The following SPOCK3 variants were observed in gnomAD, a reference collection of about 807,000 sequenced individuals.
SPOCK3 encodes SPARC (osteonectin), cwcv and kazal like domains proteoglycan 3.
In SPOCK3, 30 loss-of-function variants were observed where a neutral mutation model predicts 56.6. The ratio of observed to expected loss-of-function variants is 0.53; its 90% confidence interval spans 0.40 to 0.72. The LOEUF is 0.72. Ranked by LOEUF, SPOCK3 falls within the 30% of genes least tolerant of loss-of-function variation. SPOCK3 has a pLI of 0.00. For missense variants in SPOCK3, 527 were observed against 530.0 expected, an observed-to-expected ratio of 0.99 and a Z score of 0.06; for synonymous variants, 196 against 183.3, an observed-to-expected ratio of 1.07 and a Z score of -0.56.
chr4:166,755,848 G>T (rs957501397), intron 7 of SPOCK3, among the ~76,000 whole-genome samples: 1 of 151,826 alleles, frequency 6.6e-6, no homozygotes, highest in South Asian at 2.1e-4. Context: ...AAAAATAATA[G>T]AAATAAAAAT....
intron 2 of SPOCK3, among the ~76,000 whole-genome samples, chr4:167,176,527 T>C (rs1730995994): frequency 6.6e-6 from 1 of 152,120 alleles, no homozygotes; most frequent in Non-Finnish European, 1.5e-5. Context: ...TCCTAAATTA[T>C]ATAATTAAAT....
chr4:166,900,192 G>A (rs1260710819), intron 5 of SPOCK3, among the ~76,000 whole-genome samples: 1 of 152,158 alleles, frequency 6.6e-6, no homozygotes, highest in African/African-American at 2.4e-5. Context: ...AAACTAATCT[G>A]TGTCATATGT....
chr4:167,044,950 G>T (rs1245407948), intron 3 of SPOCK3, among the ~76,000 whole-genome samples: 1 of 152,050 alleles, frequency 6.6e-6, no homozygotes, highest in Non-Finnish European at 1.5e-5. Flanking sequence ...GGTGCTGTGA[G>T]TTCAACTATG....
At chr4:166,925,915 CTGTT>C (rs1160794306) in intron 4 of SPOCK3, among the ~76,000 whole-genome samples, 2 of 152,164 alleles carry the variant, frequency 1.3e-5, no homozygotes, top group African/African-American at 4.8e-5. Flanking sequence ...TTACCAGTTT[CTGTT>C]TGTTTAACAA....
chr4:167,209,788 A>T (rs568331726), intron 2 of SPOCK3, among the ~76,000 whole-genome samples: 4 of 152,190 alleles, frequency 2.6e-5, no homozygotes, highest in Non-Finnish European at 4.4e-5. Context: ...ATATACAAAA[A>T]AAATTTTTAA....
At position 167,097,134 on chromosome 4, in the gene SPOCK3, T is replaced by C. The variant is rs569115169; in HGVS notation, c.190-34597A>G. Among the ~76,000 whole-genome samples the C allele has an allele frequency of 3.9e-5, 6 of 151,986 alleles. No homozygotes were observed. In the South Asian group the frequency reaches 1.2e-3, roughly 31 times the overall value. On this transcript the variant is annotated intron_variant, in intron 2 of 10. Transcript: ENST00000357545. ...ATGTGTTTTTTAATTCCTTTACTTTTAACCTATCTATATATTTATATTTGA... is the reference window on the plus strand; with the variant it reads ...ATGTGTTTTTTAATTCCTTTACTTTCAACCTATCTATATATTTATATTTGA...
chr4:167,054,781 A>G (rs1754603524), intron 3 of SPOCK3, among the ~76,000 whole-genome samples: 1 of 152,234 alleles, frequency 6.6e-6, no homozygotes, highest in Non-Finnish European at 1.5e-5. Context: ...GTCATAGTTA[A>G]ACCAAAAGGT....
intron 2 of SPOCK3, among the ~76,000 whole-genome samples, chr4:167,078,407 C>T (rs757293828): frequency 9.3e-5 from 13 of 139,618 alleles, no homozygotes; most frequent in South Asian, 2.2e-4. Context: ...GGAATGGGGA[C>T]GGTAGGTAGT....
intron 4 of SPOCK3, among the ~76,000 whole-genome samples, chr4:166,970,757 A>G (rs1745291479): frequency 6.6e-6 from 1 of 152,054 alleles, no homozygotes; most frequent in Admixed American, 6.5e-5. Flanking sequence ...ACAGAGTAAC[A>G]CAGGACTTGA....
intron 7 of SPOCK3, among the ~76,000 whole-genome samples, chr4:166,775,246 G>A (rs967976241): frequency 1.2e-4 from 19 of 152,198 alleles, no homozygotes; most frequent in African/African-American, 1.9e-4. Context: ...GGCAGGTGAC[G>A]GGGTCAGAGC....
At chr4:167,151,050 A>C (rs548759397) in intron 2 of SPOCK3, among the ~76,000 whole-genome samples, 1 of 152,304 alleles carries the variant, frequency 6.6e-6, no homozygotes, top group African/African-American at 2.4e-5. Context: ...GAAGCATGAC[A>C]CATGTTGATG....
chr4:166,841,201 G>A (rs184809812), intron 6 of SPOCK3, among the ~76,000 whole-genome samples: 1 of 152,218 alleles, frequency 6.6e-6, no homozygotes. Flanking sequence ...CGCTAGAAAC[G>A]TGGGTGCAAA....
At chr4:167,151,202 T>C (rs1451434134) in intron 2 of SPOCK3, among the ~76,000 whole-genome samples, 1 of 152,180 alleles carries the variant, frequency 6.6e-6, no homozygotes, top group Non-Finnish European at 1.5e-5. Flanking sequence ...CTTTTAGTCC[T>C]TTTGGGGTGA....
chr4:167,027,097 AT>A (rs1018522019), intron 3 of SPOCK3, among the ~76,000 whole-genome samples: 3 of 151,868 alleles, frequency 2.0e-5, no homozygotes, highest in African/African-American at 7.3e-5. Flanking sequence ...TATCCTTGAC[AT>A]TTTTTGAAAT....
chr4:166,891,014 C>T (rs1734718348), intron 5 of SPOCK3, among the ~76,000 whole-genome samples: 1 of 151,912 alleles, frequency 6.6e-6, no homozygotes, highest in Non-Finnish European at 1.5e-5. Flanking sequence ...TAATGCCCTT[C>T]TTTGTCATTT....
At chr4:167,205,242 T>TTATATATATTTTATATCTATAA (rs1733961254) in intron 2 of SPOCK3, among the ~76,000 whole-genome samples, 1 of 83,068 alleles carries the variant, frequency 1.2e-5, no homozygotes, top group South Asian at 3.0e-4. Context: ...ATAATACATA[T>TTATATATATTTTATATCTATAA]TATATATTAT....
intron 2 of SPOCK3, among the ~76,000 whole-genome samples, chr4:167,097,492 T>A (rs1759264037): frequency 6.6e-6 from 1 of 151,920 alleles, no homozygotes; most frequent in Non-Finnish European, 1.5e-5. Context: ...GTCTTATGGG[T>A]GTCATGGTAA....
intron 6 of SPOCK3, among the ~76,000 whole-genome samples, chr4:166,851,774 T>G (rs1378410869): frequency 2.0e-5 from 3 of 151,956 alleles, no homozygotes; most frequent in Non-Finnish European, 4.4e-5. Flanking sequence ...AAATACCATT[T>G]GACCCAGCCA....
At chr4:167,229,066 A>G (rs1736876682) in intron 2 of SPOCK3, among the ~76,000 whole-genome samples, 1 of 152,178 alleles carries the variant, frequency 6.6e-6, no homozygotes, top group Non-Finnish European at 1.5e-5. Context: ...ACAGTGAAAT[A>G]TAGGTAATTA....
Sources: allele counts gnomAD v4.1 joint callset (sites outside exome capture counted in the v4.1 genomes callset), GRCh38; gene constraint gnomAD v4.1.1; transcripts MANE v1.5; gene names NCBI Gene and HGNC (gene_info 2026-07-23, HGNC 2026-07-21).